PALM2AKAP2: variants seen among roughly 807,000 people sequenced by gnomAD.
The protein encoded by PALM2AKAP2 is PALM2 and AKAP2 fusion.
A neutral mutation model predicts 71.5 loss-of-function variants in PALM2AKAP2; 37 were observed. The observed-to-expected ratio is 0.52, with a 90% CI of 0.40 to 0.68. The LOEUF is 0.68. Among genes scored for constraint, PALM2AKAP2 ranks in the 30% least tolerant of loss-of-function variants. The pLI is 0.00. For synonymous variants in PALM2AKAP2, 468 were observed against 478.8 expected, an observed-to-expected ratio of 0.98 and a Z score of 0.29; for missense variants, 1,224 against 1,191.8, an observed-to-expected ratio of 1.03 and a Z score of -0.40.
At chr9:109,785,168 C>G (rs1457374107) in intron 1 of PALM2AKAP2, among the ~76,000 whole-genome samples, 1 of 152,162 alleles carries the variant, frequency 6.6e-6, no homozygotes, top group Admixed American at 6.5e-5. Context: ...CAGGGACCAG[C>G]ATGAGTATGT....
rs1828400259 is a variant in PALM2AKAP2 at position 109,721,224 on chromosome 9, C to T, written c.6-59264C>T. Among the ~76,000 whole-genome samples the T allele has an allele frequency of 2.0e-5, 3 of 152,182 alleles. No homozygotes were observed. The South Asian group carries it at 6.2e-4, about 32-fold the overall frequency. ...CTGAGCTGAGCTGACGACTGTCTTC[C>T]ATTCCTAAGGAGCTGGGCATTTGCA... On this transcript the variant is annotated intron_variant, in intron 1 of 6. Transcript: ENST00000374531.
intron 1 of PALM2AKAP2, among the ~76,000 whole-genome samples, chr9:109,689,733 G>A (rs1407881204): frequency 6.6e-6 from 1 of 152,200 alleles, no homozygotes. Context: ...CCCAGCCTGG[G>A]GAGGACCTAC....
chr9:109,656,794 T>C lies in PALM2AKAP2; in HGVS notation c.5+15928T>C, dbSNP rs141565802. On this transcript the variant is annotated intron_variant, in intron 1 of 6. Transcript: ENST00000374531. ...AGTGGTCGGATTTCACAACAGTCTCTGAGGAGAGAATTCAAAATTGGTACT... is the reference window on the plus strand; with the variant it reads ...AGTGGTCGGATTTCACAACAGTCTCCGAGGAGAGAATTCAAAATTGGTACT... 4.3e-3 allele frequency among the ~76,000 whole-genome samples: 655 copies of C among 152,306 alleles called. 7 individuals carry two copies. The highest frequency in any genetic ancestry group is 0.015 in the African/African-American group (627 of 41,562).
intron 2 of PALM2AKAP2, among the ~76,000 whole-genome samples, chr9:109,872,288 A>T (rs749040490): frequency 6.6e-6 from 1 of 152,054 alleles, no homozygotes; most frequent in African/African-American, 2.4e-5. Flanking sequence ...GGATTTTTTT[A>T]AAATAAATCA....
chr9:110,016,916 T>G (rs141616271), intron 7 of PALM2AKAP2, among the ~76,000 whole-genome samples: 2,358 of 152,240 alleles, frequency 0.015, 22 homozygotes, highest in Middle Eastern at 0.037. Context: ...GTCTCTCTCT[T>G]TTGCCCAGGC....
chr9:109,889,961 T>G (rs1397336043), intron 3 of PALM2AKAP2, among the ~76,000 whole-genome samples: 2 of 152,226 alleles, frequency 1.3e-5, no homozygotes, highest in Admixed American at 1.3e-4. Context: ...CCAGGCTTTT[T>G]GGCCTATGAT....
At chr9:109,729,321 A>G (rs1383940472) in intron 1 of PALM2AKAP2, among the ~76,000 whole-genome samples, 1 of 152,136 alleles carries the variant, frequency 6.6e-6, no homozygotes, top group African/African-American at 2.4e-5. Flanking sequence ...TGAATACACA[A>G]TTTTCTAACA....
chr9:109,958,401 C>T (rs1453360091), intron 6 of PALM2AKAP2, among the ~76,000 whole-genome samples: 1 of 152,082 alleles, frequency 6.6e-6, no homozygotes, highest in Non-Finnish European at 1.5e-5. Context: ...GTAAAGGGAC[C>T]CATGGACTGA....
chr9:109,749,446 T>A (rs527354677), intron 1 of PALM2AKAP2, among the ~76,000 whole-genome samples: 13 of 152,098 alleles, frequency 8.5e-5, no homozygotes, highest in African/African-American at 3.1e-4. Flanking sequence ...AGTCTTTTTC[T>A]CATCTGGGGC....
chr9:109,730,593 A>G (rs1282186529), intron 1 of PALM2AKAP2, among the ~76,000 whole-genome samples: 1 of 152,244 alleles, frequency 6.6e-6, no homozygotes, highest in African/African-American at 2.4e-5. Flanking sequence ...TTTTGCCAGT[A>G]GTGTACTTCT....
chr9:109,980,803 T>C (rs1469403688), intron 6 of PALM2AKAP2, among the ~76,000 whole-genome samples: 1 of 152,250 alleles, frequency 6.6e-6, no homozygotes, highest in Non-Finnish European at 1.5e-5. Context: ...ATTTCCATAA[T>C]GACTTAGCAT....
chr9:109,826,803 G>A (rs543138890), intron 1 of PALM2AKAP2, among the ~76,000 whole-genome samples: 1 of 152,284 alleles, frequency 6.6e-6, no homozygotes, highest in South Asian at 2.1e-4. Flanking sequence ...TCTTACTGGG[G>A]TGATTGAAGT....
chr9:110,007,912 A>T (rs2132307106), intron 6 of PALM2AKAP2, among the ~76,000 whole-genome samples: 1 of 152,342 alleles, frequency 6.6e-6, no homozygotes, highest in South Asian at 2.1e-4. Flanking sequence ...GACAGTGAGG[A>T]AACCCAGCAA....
chr9:109,650,552 G>C (rs1056087323), intron 1 of PALM2AKAP2, among the ~76,000 whole-genome samples: 6 of 152,092 alleles, frequency 3.9e-5, no homozygotes, highest in Non-Finnish European at 8.8e-5. Flanking sequence ...AAGTAGATGG[G>C]ACTATAGGCA....
intron 1 of PALM2AKAP2, among the ~76,000 whole-genome samples, chr9:109,725,882 C>T (rs554676022): frequency 2.6e-5 from 4 of 152,296 alleles, no homozygotes; most frequent in Middle Eastern, 3.4e-3. Flanking sequence ...ATCGTGGCAG[C>T]TATTTTATTT....
intron 6 of PALM2AKAP2, among the ~76,000 whole-genome samples, chr9:109,953,373 G>A (rs1287642914): frequency 6.6e-6 from 1 of 152,204 alleles, no homozygotes; most frequent in African/African-American, 2.4e-5. Context: ...TGTAGCCATT[G>A]AGGTTACTGT....
chr9:110,112,470 A>G (rs991518493), intron 1 of PALM2AKAP2, among the ~76,000 whole-genome samples: 3 of 152,186 alleles, frequency 2.0e-5, no homozygotes, highest in African/African-American at 4.8e-5. Context: ...AATGTATGTA[A>G]ATGTCTACAC....
chr9:110,119,742 T>C (rs948491132), intron 1 of PALM2AKAP2, among the ~76,000 whole-genome samples: 1 of 152,232 alleles, frequency 6.6e-6, no homozygotes, highest in African/African-American at 2.4e-5. Context: ...ATATCTTTTG[T>C]CTAGTTTTAT....
chr9:110,164,058 CA>C (rs1429683615), intron 3 of PALM2AKAP2, among the ~76,000 whole-genome samples: 1 of 152,160 alleles, frequency 6.6e-6, no homozygotes, highest in Non-Finnish European at 1.5e-5. Flanking sequence ...TGCTGATTAT[CA>C]GTAATTTTCT....
Sources: allele counts gnomAD v4.1 joint callset (sites outside exome capture counted in the v4.1 genomes callset), GRCh38; gene constraint gnomAD v4.1.1; transcripts MANE v1.5; gene names NCBI Gene and HGNC (gene_info 2026-07-23, HGNC 2026-07-21).